Variants in DENND2A observed in about 807,000 individuals in gnomAD.
The protein encoded by DENND2A is DENN domain containing 2A, also known as DENN domain-containing protein 2A.
DENND2A carries 53 observed loss-of-function variants against 105.3 expected under a neutral mutation model. That is an observed-to-expected ratio of 0.50 (90% CI 0.40 to 0.63). The LOEUF (loss-of-function observed/expected upper bound fraction) is 0.63. Ranked by LOEUF, DENND2A falls within the 30% of genes least tolerant of loss-of-function variation. The pLI, the probability that DENND2A is intolerant of heterozygous loss-of-function variation, is 0.00. For missense variants in DENND2A, 1,138 were observed against 1,279.6 expected (o/e 0.89, Z 1.69); for synonymous variants, 522 against 508.4 (o/e 1.03, Z -0.36).
At chr7:140,613,584 C>T (rs1049090547) in intron 1 of DENND2A, among the ~76,000 whole-genome samples, 1 of 150,158 alleles carries the variant, frequency 6.7e-6, no homozygotes, top group Non-Finnish European at 1.5e-5. Flanking sequence ...GGCAACACAG[C>T]AAGATCCCAC....
intron 14 of DENND2A, among the ~76,000 whole-genome samples, chr7:140,542,106 A>G (rs1304932174): frequency 6.6e-6 from 1 of 151,656 alleles, no homozygotes; most frequent in Non-Finnish European, 1.5e-5. Flanking sequence ...AGGTGGCCTC[A>G]TCTGCACCAC....
At chr7:140,599,736 T>C (rs1406451699) in intron 3 of DENND2A, among the ~76,000 whole-genome samples, 2 of 151,898 alleles carry the variant, frequency 1.3e-5, no homozygotes, top group Admixed American at 6.6e-5. Context: ...ATATGCAAAC[T>C]TTTTCCCCCT....
chr7:140,520,340 T>C (rs1291612991), intron 18 of DENND2A, among the ~76,000 whole-genome samples: 1 of 150,814 alleles, frequency 6.6e-6, no homozygotes, highest in Non-Finnish European at 1.5e-5. Flanking sequence ...CGGACTGTCC[T>C]GGCTTGGGAG....
At chr7:140,596,527 C>T (rs1799289065) in intron 3 of DENND2A, among the ~76,000 whole-genome samples, 2 of 152,078 alleles carry the variant, frequency 1.3e-5, no homozygotes, top group Non-Finnish European at 1.5e-5. Context: ...CGTATCAGTC[C>T]CATAGAAGAT....
intron 1 of DENND2A, among the ~76,000 whole-genome samples, chr7:140,615,215 A>G (rs1800041179): frequency 1.3e-5 from 2 of 152,214 alleles, no homozygotes; most frequent in Admixed American, 6.5e-5. Flanking sequence ...AGGCCTATAC[A>G]TAACTTTATT....
chr7:140,638,481 CA>C (rs1214362030), intron 1 of DENND2A, among the ~76,000 whole-genome samples: 2 of 152,178 alleles, frequency 1.3e-5, no homozygotes, highest in African/African-American at 4.8e-5. Context: ...CTGGGTGTTG[CA>C]AAAAGCCTTG....
rs1315694337 is a variant in DENND2A at position 140,625,363 on chromosome 7, C to T, written c.-248+15141G>A. ...CTGCATTCCAGCCTGGGCGACAGAA[C>T]GATACTCCGTTTCAAGAAAGAAAAA... On this transcript the variant is annotated intron_variant, in intron 1 of 19. Coordinates refer to ENST00000496613, the MANE Select transcript of DENND2A (RefSeq NM_015689.5). Among the ~76,000 whole-genome samples the T allele has an allele frequency of 1.3e-5, 2 of 149,934 alleles. 1 individual carries two copies. The highest frequency in any genetic ancestry group is 5.0e-5 in the African/African-American group (2 of 40,134).
chr7:140,567,374 A>C, intron 8 of DENND2A, 101 bp from the exon 9 acceptor site: 2 of 1,059,356 alleles, frequency 1.9e-6, no homozygotes, highest in Non-Finnish European at 2.6e-6. Context: ...TGAAATGACC[A>C]TGAGTCCATG....
chr7:140,620,560 T>C (rs1800250921), intron 1 of DENND2A, among the ~76,000 whole-genome samples: 1 of 152,212 alleles, frequency 6.6e-6, no homozygotes, highest in Non-Finnish European at 1.5e-5. Context: ...ATAATTGCTA[T>C]TGCAAATACA....
rs183817786 is a variant in DENND2A, at chr7:140,580,519, T to C, written c.1245+5070A>G. Among the ~76,000 whole-genome samples, 635 of 152,270 alleles carry C rather than the reference T, an allele frequency of 4.2e-3. 7 individuals carry two copies. Among genetic ancestry groups the C allele is most frequent in the African/African-American group, 0.013 (550 of 41,554 alleles). On this transcript the variant is annotated intron_variant, in intron 5 of 19. Transcript: ENST00000496613. ...ATTTTTTATAGAGATGGGGTCTTAC[T>C]ATGTTGACCAGGCTGGTCTTGAATG...
intron 5 of DENND2A, among the ~76,000 whole-genome samples, chr7:140,581,431 C>G (rs747563344): frequency 3.3e-5 from 5 of 152,180 alleles, no homozygotes; most frequent in Non-Finnish European, 7.3e-5. Flanking sequence ...AATGGAAATT[C>G]TAGTGACCCG....
chr7:140,577,932 G>A (rs767329028), intron 5 of DENND2A, among the ~76,000 whole-genome samples: 1 of 152,118 alleles, frequency 6.6e-6, no homozygotes, highest in Admixed American at 6.6e-5. Context: ...TCCTAAGAAC[G>A]ATGTGTCAGA....
intron 1 of DENND2A, among the ~76,000 whole-genome samples, chr7:140,606,739 C>T (rs570819228): frequency 4.8e-4 from 73 of 152,250 alleles, no homozygotes; most frequent in African/African-American, 1.7e-3. Context: ...CCAGGAATCC[C>T]ACTGAGTTCC....
intron 1 of DENND2A, among the ~76,000 whole-genome samples, chr7:140,635,178 C>T (rs1423408800): frequency 6.6e-6 from 1 of 151,714 alleles, no homozygotes; most frequent in African/African-American, 2.4e-5. Context: ...CAGCAGGATC[C>T]CTTGAGCCCA....
intron 1 of DENND2A, among the ~76,000 whole-genome samples, chr7:140,636,156 GT>G (rs1800923961): frequency 6.6e-6 from 1 of 152,156 alleles, no homozygotes. Flanking sequence ...GATAGCCAGT[GT>G]TCAGGGCCAG....
At chr7:140,526,967 A>G (rs1029992908) in intron 15 of DENND2A, among the ~76,000 whole-genome samples, 1 of 152,136 alleles carries the variant, frequency 6.6e-6, no homozygotes, top group African/African-American at 2.4e-5. Context: ...AACGGACCAG[A>G]TCTTGCTAGC....
chr7:140,597,761 G>T lies in DENND2A; in HGVS notation c.995+3642C>A, dbSNP rs1333372377. On this transcript the variant is annotated intron_variant, in intron 3 of 19. Coordinates refer to ENST00000496613, the MANE Select transcript of DENND2A (RefSeq NM_015689.5). ...AATCAACCTGTCCCTGGGGGTGTGGGACCTCCTTGGAGGAAGAGCCAGAAG... is the reference window on the plus strand; with the variant it reads ...AATCAACCTGTCCCTGGGGGTGTGGTACCTCCTTGGAGGAAGAGCCAGAAG... Among the ~76,000 whole-genome samples the T allele has an allele frequency of 2.0e-5, 3 of 152,202 alleles. No individual in the cohort carries two copies. In the East Asian group the frequency reaches 5.8e-4, roughly 29 times the overall value.
chr7:140,531,533 T>C (rs1796263236), intron 14 of DENND2A, among the ~76,000 whole-genome samples: 1 of 152,174 alleles, frequency 6.6e-6, no homozygotes, highest in Non-Finnish European at 1.5e-5. Flanking sequence ...GTGCGGTGGC[T>C]CGTGCCTGTA....
chr7:140,585,610 G>T lies in DENND2A; in HGVS notation c.1224C>A (p.Ser408=). Residue 408 remains serine, a synonymous_variant, in exon 5 of 20, where the codon TCC becomes TCA. Transcript: ENST00000496613. ...ATACCTTGGTGAGTGTGTCAGGGAT[G>T]GAAGAGGTGGGAGAAGCAGGAAAAT... ...VLNFPASPTS[S]IPDTLTKQSL... is the part of the protein sequence containing the mutation. 6.2e-7 allele frequency: 1 copy of T among 1,614,132 alleles called. No homozygotes were observed. The highest frequency in any genetic ancestry group is 8.5e-7 in the Non-Finnish European group (1 of 1,180,034).
Sources: gnomAD v4.1 joint callset for allele counts (sites outside exome capture counted in the v4.1 genomes callset) on GRCh38, gnomAD v4.1.1 for gene constraint, MANE v1.5 for transcripts, NCBI Gene and HGNC (gene_info 2026-07-23, HGNC 2026-07-21) for gene names.